Variants in MAPK8IP3 observed in about 807,000 individuals in gnomAD.
MAPK8IP3 encodes mitogen-activated protein kinase 8 interacting protein 3.
MAPK8IP3 carries 49 observed loss-of-function variants against 157.8 expected under a neutral mutation model. The observed-to-expected ratio is 0.31, with a 90% confidence interval of 0.25 to 0.39. The LOEUF (loss-of-function observed/expected upper bound fraction) is 0.39, where lower values mean the gene tolerates loss of function less well. Among genes scored for constraint, MAPK8IP3 ranks in the 10% least tolerant of loss-of-function variants. MAPK8IP3 has a pLI of 1.00. For synonymous variants in MAPK8IP3, 897 were observed against 777.7 expected, an observed-to-expected ratio of 1.15 and a Z score of -2.55; for missense variants, 1,478 against 1,889.4, an observed-to-expected ratio of 0.78 and a Z score of 4.04.
chr16:1,732,710 G>A lies in MAPK8IP3; in HGVS notation c.602+3132G>A, dbSNP rs979756149. 3.9e-5 allele frequency among the ~76,000 whole-genome samples: 6 copies of A among 151,908 alleles called. No individual in the cohort carries two copies. The South Asian group carries it at 6.2e-4, about 16-fold the overall frequency. The stretch of plus-strand genomic sequence containing the variant: ...CGAGAACAGGTGGTGCCAGCCATCC[G>A]CCCACCTGGAGCACCATGAGAACTA... On this transcript the variant is annotated intron_variant, in intron 4 of 31. Transcript: ENST00000610761.
chr16:1,731,860 T>G (rs1350812023), intron 4 of MAPK8IP3, among the ~76,000 whole-genome samples: 1 of 152,192 alleles, frequency 6.6e-6, no homozygotes, highest in African/African-American at 2.4e-5. Flanking sequence ...TAGAACATAC[T>G]GCCTCAAATA....
intron 4 of MAPK8IP3, among the ~76,000 whole-genome samples, chr16:1,731,070 G>A (rs542123031): frequency 2.0e-5 from 3 of 152,084 alleles, no homozygotes; most frequent in Admixed American, 6.6e-5. Context: ...AGCTTGGGAG[G>A]CGGAGACTGC....
chr16:1,728,877 C>T (rs865792530), intron 2 of MAPK8IP3, among the ~76,000 whole-genome samples: 5 of 148,676 alleles, frequency 3.4e-5, no homozygotes, highest in South Asian at 2.2e-4. Flanking sequence ...CCCAGACGGC[C>T]TTCACAGAGC....
chr16:1,743,209 C>T lies in MAPK8IP3; in HGVS notation c.603-123C>T. On this transcript the variant is annotated intron_variant, in intron 4 of 31. Coordinates refer to ENST00000610761, the MANE Select transcript of MAPK8IP3 (RefSeq NM_001318852.2). This position sits in a 1 kb window ranked among gnomAD's most constrained non-coding sequence, Gnocchi z 5.6. The stretch of plus-strand genomic sequence containing the variant: ...GATCATAACTGAGTAGCTGCTCGAG[C>T]TGGGCTGCTGGCTGGCATGGAGCGG... The T allele has an allele frequency of 7.4e-7, 1 of 1,360,206 alleles. No individual in the cohort carries two copies. 84.3% of individuals were successfully genotyped at this position (1,360,206 alleles called of 1,614,324 possible).
intron 7 of MAPK8IP3, 56 bp from the exon 8 acceptor site, chr16:1,748,546 C>G: frequency 7.0e-7 from 1 of 1,427,052 alleles, no homozygotes; most frequent in Admixed American, 1.7e-5. Context: ...GCAGACGCAG[C>G]CACTCCGGGC....
chr16:1,712,966 C>T (rs2037891593), intron 1 of MAPK8IP3, among the ~76,000 whole-genome samples: 1 of 152,250 alleles, frequency 6.6e-6, no homozygotes. Flanking sequence ...TTGGTTCATT[C>T]AGCCTGAGCC....
At position 1,767,627 on chromosome 16, in the gene MAPK8IP3, G is replaced by A. The variant is rs1438047431; in HGVS notation, c.3301G>A (p.Gly1101Ser). The change falls in exon 27 of 32, where the codon GGC becomes AGC. Residue 1101 changes from glycine to serine, a missense_variant. By Grantham distance (56) the Gly-to-Ser change is moderately conservative (BLOSUM62 0). This residue lies in a region of MAPK8IP3 where 68 missense variants were observed against 125.1 expected (regional missense o/e 0.54). Transcript: ENST00000610761. ...GCGGCAGCTGGCGTGGATCGGCGAT[G>A]GCGTATGGGTGTCCATCCGCCTGGA... ...QVRQLAWIGDGVWVSIRLDST... is the reference protein window; with the variant it reads ...QVRQLAWIGDSVWVSIRLDST... 2 of 1,612,580 alleles carry A rather than the reference G, an allele frequency of 1.2e-6. No homozygotes were observed. Among genetic ancestry groups the A allele is most frequent in the South Asian group, 1.1e-5 (1 of 91,074 alleles).
At chr16:1,757,199 G>A (rs761160818) in intron 8 of MAPK8IP3, among the ~76,000 whole-genome samples, 13 of 151,992 alleles carry the variant, frequency 8.6e-5, no homozygotes, top group Admixed American at 1.3e-4. Context: ...TCTGCCTCCC[G>A]GGTTCAGCCA....
chr16:1,716,025 C>T (rs530100902), intron 1 of MAPK8IP3, among the ~76,000 whole-genome samples: 2 of 152,020 alleles, frequency 1.3e-5, no homozygotes, highest in Admixed American at 1.3e-4. Context: ...CTGCACCGGC[C>T]GAGGTTTGGA....
chr16:1,768,176 G>A (rs778213988), intron 29 of MAPK8IP3, 23 bp from the exon 30 acceptor site: 36 of 1,611,730 alleles, frequency 2.2e-5, no homozygotes, highest in Middle Eastern at 1.6e-4. Flanking sequence ...CGGGCTCAGC[G>A]CCTCTGGGTT....
At chr16:1,761,458 C>T (rs1338434772) in intron 13 of MAPK8IP3, among the ~76,000 whole-genome samples, 153 bp downstream of exon 13, 1 of 150,562 alleles carries the variant, frequency 6.6e-6, no homozygotes, top group Admixed American at 6.6e-5. Flanking sequence ...GCAGAGCGGC[C>T]ACCATTCACC....
At chr16:1,767,989 G>A in intron 28 of MAPK8IP3, 71 bp downstream of exon 28, 2 of 1,609,308 alleles carry the variant, frequency 1.2e-6, no homozygotes, top group Non-Finnish European at 1.7e-6. Context: ...GGGTGGCTCT[G>A]CAGGGCCACC....
chr16:1,743,399 G>T lies in MAPK8IP3; in HGVS notation c.670G>T (p.Gly224Trp). 1.2e-6 allele frequency: 2 copies of T among 1,609,498 alleles called. No individual in the cohort carries two copies. The highest frequency in any genetic ancestry group is 1.7e-6 in the Non-Finnish European group (2 of 1,178,308). Residue 224 changes from glycine to tryptophan, a missense_variant, in exon 5 of 32, where the codon GGG becomes TGG. Transcript: ENST00000610761. The surrounding 1 kb of genome is among the most constrained non-coding windows in gnomAD (Gnocchi z 5.6). ...TGACGGCACGGTACGTGCACAGATC[G>T]GGGGCAAGCTCGTGCCTGCGGGGGA... ...LADGTVRAQI[G>W]GKLVPAGDHW...
rs113276763 is a variant in MAPK8IP3 at position 1,768,924 on chromosome 16, C to T, written c.*100C>T. On this transcript the variant is annotated 3_prime_UTR_variant, in exon 32 of 32. Coordinates refer to ENST00000610761, the MANE Select transcript of MAPK8IP3 (RefSeq NM_001318852.2). ...CCAGCCAGGCGCCGCCGCCCCTCTT[C>T]TAACCTCTCAACCTGCAGCTTTCAC... 4 of 1,398,322 alleles carry T rather than the reference C, an allele frequency of 2.9e-6. No individual in the cohort carries two copies. In the African/African-American group the frequency reaches 4.2e-5, roughly 15 times the overall value. 86.6% of individuals were successfully genotyped at this position (1,398,322 alleles called of 1,614,324 possible).
chr16:1,724,799 C>A lies in MAPK8IP3; in HGVS notation c.439+122C>A. 1 of 1,315,030 alleles carries A rather than the reference C, an allele frequency of 7.6e-7. No individual in the cohort carries two copies. Among genetic ancestry groups the A allele is most frequent in the Non-Finnish European group, 1.0e-6 (1 of 968,910 alleles). The allele number at this position is 1,315,030 out of a possible 1,614,324, so 81.5% of individuals were successfully genotyped here. A position where few individuals can be genotyped will look rare whatever the true frequency, so the allele number is the denominator to read the frequency against. On this transcript the variant is annotated intron_variant, in intron 2 of 31. Coordinates refer to ENST00000610761, the MANE Select transcript of MAPK8IP3 (RefSeq NM_001318852.2). This position sits in a 1 kb window ranked among gnomAD's most constrained non-coding sequence, Gnocchi z 4.1. The stretch of plus-strand genomic sequence containing the variant: ...ACGAGAGGAAGCCCAGTGGGAGCCT[C>A]AGCCATGTATTCCAGCTCTTTGTAC...
At chr16:1,754,754 G>A (rs767960899) in intron 8 of MAPK8IP3, among the ~76,000 whole-genome samples, 63 of 135,624 alleles carry the variant, frequency 4.6e-4, no homozygotes, top group Non-Finnish European at 7.8e-4. Flanking sequence ...GCGAGACTCC[G>A]TCTCAAAAAA....
At chr16:1,764,507 G>A (rs377063892) in intron 19 of MAPK8IP3, 48 bp downstream of exon 19, 42 of 1,587,038 alleles carry the variant, frequency 2.6e-5, no homozygotes, top group Middle Eastern at 2.2e-4. Context: ...TTAGTCTCAG[G>A]ACAGCTCAGC....
chr16:1,746,242 G>C (rs570638090), intron 5 of MAPK8IP3: 16 of 152,400 alleles, frequency 1.0e-4, no homozygotes, highest in African/African-American at 3.6e-4. Context: ...TTTTTCTCCA[G>C]CTGGTTCAGT....
intron 4 of MAPK8IP3, among the ~76,000 whole-genome samples, chr16:1,734,231 T>G (rs9923942): frequency 1.3e-5 from 2 of 152,282 alleles, no homozygotes; most frequent in Non-Finnish European, 2.9e-5. Flanking sequence ...CTGGCGGCCC[T>G]GTCTCCCTGA....
Sources: allele counts gnomAD v4.1 joint callset (sites outside exome capture counted in the v4.1 genomes callset), GRCh38; gene constraint gnomAD v4.1.1; regional missense constraint gnomAD v4.1.1; non-coding constraint Gnocchi (gnomAD v3.1); transcripts MANE v1.5; gene names NCBI Gene and HGNC (gene_info 2026-07-23, HGNC 2026-07-21).